The following SHISA9 variants were observed in gnomAD, a reference collection of about 807,000 sequenced individuals.
SHISA9 encodes protein shisa-9.
In SHISA9, 13 loss-of-function variants were observed where a neutral mutation model predicts 38.0. That is an observed-to-expected ratio of 0.34 (90% CI 0.22 to 0.54). The LOEUF (loss-of-function observed/expected upper bound fraction) is 0.54. Among genes scored for constraint, SHISA9 ranks in the 20% least tolerant of loss-of-function variants. SHISA9 has a pLI of 0.91. For synonymous variants in SHISA9, 275 were observed against 242.0 expected, an observed-to-expected ratio of 1.14 and a Z score of -1.27; for missense variants, 538 against 575.8, an observed-to-expected ratio of 0.93 and a Z score of 0.67.
the SHISA9 span, among the ~76,000 whole-genome samples, chr16:13,361,264 T>G: frequency 6.6e-6 from 1 of 152,242 alleles, no homozygotes; most frequent in African/African-American, 2.4e-5. Context: ...CTAACGCTTT[T>G]ATTTTGTCTT....
rs1404103752 is a variant in SHISA9, at chr16:13,239,800, T to C, written c.*4391T>C. On this transcript the variant is annotated 3_prime_UTR_variant, in exon 5 of 5. Coordinates refer to ENST00000558583, the MANE Select transcript of SHISA9 (RefSeq NM_001145204.3). The stretch of plus-strand genomic sequence containing the variant: ...TTTGTAGGTTGCCTGTTCACTCTGA[T>C]GGTAGTTTCTTTTGCTGTGCAGAAG... 1.3e-5 allele frequency: 2 copies of C among 152,116 alleles called. No individual in the cohort carries two copies. Among genetic ancestry groups the C allele is most frequent in the Non-Finnish European group, 2.9e-5 (2 of 68,024 alleles). 9.4% of individuals were successfully genotyped at this position (152,116 alleles called of 1,614,324 possible). A position where few individuals can be genotyped will look rare whatever the true frequency, so the allele number is the denominator to read the frequency against.
intron 2 of SHISA9, among the ~76,000 whole-genome samples, chr16:13,040,803 A>G (rs1157837580): frequency 1.3e-5 from 2 of 150,698 alleles, no homozygotes; most frequent in African/African-American, 4.9e-5. Context: ...GGTGCAAGTG[A>G]ATAATACACC....
chr16:13,226,755 A>T (rs1422921483), intron 4 of SHISA9, among the ~76,000 whole-genome samples: 1 of 152,194 alleles, frequency 6.6e-6, no homozygotes, highest in East Asian at 1.9e-4. Flanking sequence ...GCCTCACTGA[A>T]CATACTGCAG....
chr16:13,198,646 C>T (rs1014109128), intron 2 of SHISA9, among the ~76,000 whole-genome samples: 1 of 152,152 alleles, frequency 6.6e-6, no homozygotes. Flanking sequence ...ACTGGGTTGC[C>T]AGGTCTGGTC....
At chr16:13,024,154 A>G (rs905338009) in intron 2 of SHISA9, among the ~76,000 whole-genome samples, 2 of 152,262 alleles carry the variant, frequency 1.3e-5, no homozygotes, top group Admixed American at 1.3e-4. Flanking sequence ...GAAGGTATAC[A>G]GGTAGCTCAA....
At chr16:13,154,631 G>A (rs1015027329) in intron 2 of SHISA9, among the ~76,000 whole-genome samples, 2 of 152,182 alleles carry the variant, frequency 1.3e-5, no homozygotes, top group Admixed American at 6.5e-5. Flanking sequence ...GAGATTTTGA[G>A]GCTGTTGGAT....
chr16:13,017,397 C>G (rs747031874), intron 2 of SHISA9, among the ~76,000 whole-genome samples: 3 of 152,182 alleles, frequency 2.0e-5, no homozygotes, highest in Non-Finnish European at 4.4e-5. Flanking sequence ...CATTGTCAGC[C>G]TTCCATGTTG....
At chr16:13,480,721 G>C in the SHISA9 span, among the ~76,000 whole-genome samples, 1 of 151,920 alleles carries the variant, frequency 6.6e-6, no homozygotes, top group Non-Finnish European at 1.5e-5. Flanking sequence ...TAGGCAGCCA[G>C]AGATAAGGGG....
chr16:13,375,119 G>C, the SHISA9 span, among the ~76,000 whole-genome samples: 4 of 152,120 alleles, frequency 2.6e-5, no homozygotes. Context: ...CATTCTGTAG[G>C]TTGCCTGTTC....
chr16:13,011,073 G>A (rs1380614865), intron 2 of SHISA9, among the ~76,000 whole-genome samples: 1 of 152,202 alleles, frequency 6.6e-6, no homozygotes. Flanking sequence ...AATACGGGCA[G>A]CAGTGAACCA....
At chr16:13,548,881 A>T in the SHISA9 span, among the ~76,000 whole-genome samples, 11 of 152,210 alleles carry the variant, frequency 7.2e-5, no homozygotes, top group African/African-American at 2.7e-4. Flanking sequence ...AAAGAAAATA[A>T]AATGAAGGTA....
At chr16:13,266,139 C>A in the SHISA9 span, among the ~76,000 whole-genome samples, 4 of 152,156 alleles carry the variant, frequency 2.6e-5, no homozygotes, top group Admixed American at 2.6e-4. Flanking sequence ...CATAAATCAG[C>A]TTTATAAAGG....
At chr16:13,445,323 T>C in the SHISA9 span, among the ~76,000 whole-genome samples, 1 of 152,122 alleles carries the variant, frequency 6.6e-6, no homozygotes, top group East Asian at 1.9e-4. Context: ...TCTCAAGAGA[T>C]GTTTGCTGAA....
intron 2 of SHISA9, among the ~76,000 whole-genome samples, chr16:13,128,049 AT>A (rs1454311610): frequency 6.6e-6 from 1 of 152,184 alleles, no homozygotes; most frequent in Non-Finnish European, 1.5e-5. Context: ...GCTATTTTGA[AT>A]TCTGCATCAT....
chr16:13,357,193 T>C, the SHISA9 span, among the ~76,000 whole-genome samples: 9 of 152,086 alleles, frequency 5.9e-5, no homozygotes, highest in African/African-American at 2.2e-4. Flanking sequence ...AATAAGCGAC[T>C]GGGGGGTTCT....
intron 2 of SHISA9, among the ~76,000 whole-genome samples, chr16:12,984,401 A>G (rs953223446): frequency 6.6e-6 from 1 of 152,200 alleles, no homozygotes; most frequent in African/African-American, 2.4e-5. Flanking sequence ...CTGAAGTTCT[A>G]TGAACAGTCA....
chr16:13,051,662 T>C (rs1046573680), intron 2 of SHISA9, among the ~76,000 whole-genome samples: 2 of 152,288 alleles, frequency 1.3e-5, no homozygotes, highest in East Asian at 1.9e-4. Context: ...CAAAAGTGAA[T>C]GTTGAAAGCC....
the SHISA9 span, among the ~76,000 whole-genome samples, chr16:13,454,312 G>T: frequency 6.6e-6 from 1 of 152,192 alleles, no homozygotes; most frequent in Non-Finnish European, 1.5e-5. Flanking sequence ...TAGGCAGAAG[G>T]AAGAAGAGCT....
chr16:13,274,926 G>A, the SHISA9 span, among the ~76,000 whole-genome samples: 1 of 152,146 alleles, frequency 6.6e-6, no homozygotes, highest in Non-Finnish European at 1.5e-5. Flanking sequence ...TTGGAAGTGT[G>A]GCCCAGAGCG....
Sources: gnomAD v4.1 joint callset for allele counts (sites outside exome capture counted in the v4.1 genomes callset) on GRCh38, gnomAD v4.1.1 for gene constraint, MANE v1.5 for transcripts, NCBI Gene and HGNC (gene_info 2026-07-23, HGNC 2026-07-21) for gene names.